The following MAP3K15 variants were observed in gnomAD, a reference collection of about 807,000 sequenced individuals.
MAP3K15 encodes the protein mitogen-activated protein kinase kinase kinase 15, also known as MAPK/ERK kinase kinase 15.
Under a neutral mutation model 99.5 loss-of-function variants are expected in MAP3K15, and 124 were observed. The observed-to-expected ratio is 1.25, with a 90% CI of 1.08 to 1.45. MAP3K15 has a LOEUF of 1.45. MAP3K15 is among the 40% of genes most tolerant of loss of function. The pLI is 0.00. For missense variants in MAP3K15, 1,242 were observed against 1,079.7 expected (o/e 1.15, Z -2.11); for synonymous variants, 494 against 439.6 (o/e 1.12, Z -1.55).
chrX:19,372,643 G>A lies in MAP3K15; in HGVS notation c.3108+10C>T, dbSNP rs376965622. The A allele has an allele frequency of 1.3e-5, 16 of 1,191,949 alleles. No individual in the cohort carries two copies. The African/African-American group carries it at 1.9e-4, about 14-fold the overall frequency. ...GCGGGAAGAGTCGGTGCCCTCCCTCGGGCAAATACCTGGGCCACACACTCC... is the reference window on the plus strand; with the variant it reads ...GCGGGAAGAGTCGGTGCCCTCCCTCAGGCAAATACCTGGGCCACACACTCC... On this transcript the variant is annotated intron_variant, in intron 22 of 28. Transcript: ENST00000338883.
chrX:19,373,989 T>C (rs763058673), intron 20 of MAP3K15, among the ~76,000 whole-genome samples: 2 of 111,448 alleles, frequency 1.8e-5, no homozygotes, highest in Non-Finnish European at 3.8e-5. Flanking sequence ...TCTTACATCA[T>C]TGCCAGTTAG....
At position 19,413,188 on chromosome X, in the gene MAP3K15, C is replaced by CCA. The variant is rs1304963176; in HGVS notation, c.1698+167_1698+168dup. 7.4e-5 allele frequency among the ~76,000 whole-genome samples: 8 copies of CCA among 108,817 alleles called. No homozygotes were observed. The Admixed American group carries it at 7.9e-4, about 11-fold the overall frequency. The allele number at this position is 108,817 out of a possible 115,157, so 94.5% of individuals were successfully genotyped here. ...ACCACATGCCCACACACACACATGCCCACACACACACAAAATGGAAAAACC... is the reference window on the plus strand; with the variant it reads ...ACCACATGCCCACACACACACATGCCCACACACACACACAAAATGGAAAAACC... On this transcript the variant is annotated intron_variant, in intron 11 of 28. Transcript: ENST00000338883.
chrX:19,363,944 C>T (rs1281233933), intron 25 of MAP3K15, among the ~76,000 whole-genome samples: 1 of 110,616 alleles, frequency 9.0e-6, no homozygotes, highest in African/African-American at 3.3e-5. Flanking sequence ...TGAGCCACCG[C>T]ACCCAGCTGG....
At chrX:19,418,828 A>G (rs957398578) in intron 9 of MAP3K15, among the ~76,000 whole-genome samples, 18 of 112,245 alleles carry the variant, frequency 1.6e-4, no homozygotes, top group Non-Finnish European at 3.4e-4. Context: ...CATCAGACTA[A>G]CAGCTGATCT....
intron 6 of MAP3K15, among the ~76,000 whole-genome samples, chrX:19,443,052 A>T (rs1432334240): frequency 2.5e-3 from 7 of 2,832 alleles, no homozygotes; most frequent in East Asian, 0.017. Flanking sequence ...TTTTTTTTTG[A>T]GATGGAGTCT....
intron 18 of MAP3K15, among the ~76,000 whole-genome samples, chrX:19,382,872 C>T (rs1369839723): frequency 8.9e-6 from 1 of 112,431 alleles, no homozygotes; most frequent in African/African-American, 3.2e-5. Flanking sequence ...TACCCTCTCT[C>T]AGCTCTGCTC....
intron 6 of MAP3K15, among the ~76,000 whole-genome samples, chrX:19,438,277 T>C (rs781299537): frequency 4.5e-5 from 5 of 111,075 alleles, no homozygotes; most frequent in Admixed American, 3.9e-4. Context: ...TTTATTTTTA[T>C]TTATTTATTT....
Position 19,372,785 on chromosome X carries a change from G to C in MAP3K15, c.2976C>G (p.Ala992=), listed in dbSNP as rs774971480. The change falls in exon 22 of 29, where the codon GCC becomes GCG. Residue 992 remains alanine, a synonymous_variant. Transcript: ENST00000338883. ...ESSALEDRGL[A]SSPEDRDQGL... ...CCTGGTCCCTGTCCTCCGGGGACGA[G>C]GCCAAGCCCCGGTCTTCCAAGGCTG... 4 of 1,211,402 alleles carry C rather than the reference G, an allele frequency of 3.3e-6. No individual in the cohort carries two copies. In the East Asian group the frequency reaches 1.2e-4, roughly 36 times the overall value.
At chrX:19,421,534 A>G (rs1365528208) in intron 9 of MAP3K15, among the ~76,000 whole-genome samples, 1 of 111,031 alleles carries the variant, frequency 9.0e-6, no homozygotes, top group Non-Finnish European at 1.9e-5. Context: ...AAAAGAGGAT[A>G]CAAGGAAACG....
chrX:19,507,791 C>T (rs2064489753), intron 1 of MAP3K15, among the ~76,000 whole-genome samples: 1 of 109,525 alleles, frequency 9.1e-6, no homozygotes, highest in Non-Finnish European at 1.9e-5. Context: ...CACTTTTCTT[C>T]TCAAGTTTGC....
intron 7 of MAP3K15, among the ~76,000 whole-genome samples, chrX:19,427,873 G>C (rs1035680495): frequency 9.0e-6 from 1 of 111,072 alleles, no homozygotes; most frequent in Non-Finnish European, 1.9e-5. Flanking sequence ...CCTCAGATCA[G>C]AGGACACCGA....
chrX:19,387,923 G>C (rs921357697), intron 18 of MAP3K15, among the ~76,000 whole-genome samples: 1 of 112,072 alleles, frequency 8.9e-6, no homozygotes, highest in Admixed American at 9.5e-5. Flanking sequence ...CATCCAGAGG[G>C]AGCCAGCGAG....
At chrX:19,434,493 C>T (rs970202623) in intron 6 of MAP3K15, among the ~76,000 whole-genome samples, 10 of 110,099 alleles carry the variant, frequency 9.1e-5, no homozygotes, top group Non-Finnish European at 1.9e-4. Flanking sequence ...CCGCCTCGGC[C>T]TCCCAAAGTG....
chrX:19,451,896 T>A (rs1342708177), intron 6 of MAP3K15, among the ~76,000 whole-genome samples: 5 of 108,165 alleles, frequency 4.6e-5, no homozygotes, highest in Non-Finnish European at 9.5e-5. Flanking sequence ...AAATCCCATC[T>A]CTACCAAAAA....
chrX:19,433,744 AAAAC>A (rs2063901288), intron 6 of MAP3K15, among the ~76,000 whole-genome samples: 1 of 112,091 alleles, frequency 8.9e-6, no homozygotes, highest in Non-Finnish European at 1.9e-5. Flanking sequence ...AACAAAAACA[AAAAC>A]AAAACAGGTA....
intron 9 of MAP3K15, among the ~76,000 whole-genome samples, chrX:19,416,855 A>G (rs995536883): frequency 8.9e-6 from 1 of 112,335 alleles, no homozygotes; most frequent in Non-Finnish European, 1.9e-5. Context: ...TAACTCCCAC[A>G]TTGTTCAAGG....
intron 1 of MAP3K15, among the ~76,000 whole-genome samples, chrX:19,505,220 A>G (rs1456983470): frequency 7.4e-5 from 8 of 108,408 alleles, no homozygotes; most frequent in Non-Finnish European, 1.5e-4. Flanking sequence ...CCACAGCAGC[A>G]TAGAGGGGGG....
intron 24 of MAP3K15, among the ~76,000 whole-genome samples, chrX:19,369,920 AAAAAG>A (rs2147211686): frequency 9.0e-6 from 1 of 111,154 alleles, no homozygotes; most frequent in East Asian, 2.8e-4. Flanking sequence ...AGAAAAAAAA[AAAAAG>A]AAAAGAAAGA....
At chrX:19,451,609 T>C (rs1327248715) in intron 6 of MAP3K15, among the ~76,000 whole-genome samples, 8 of 108,864 alleles carry the variant, frequency 7.3e-5, no homozygotes, top group Non-Finnish European at 1.3e-4. Context: ...AAACGTCCAT[T>C]GAAACTACAA....
Sources: allele counts gnomAD v4.1 joint callset (sites outside exome capture counted in the v4.1 genomes callset), GRCh38; gene constraint gnomAD v4.1.1; transcripts MANE v1.5; gene names NCBI Gene and HGNC (gene_info 2026-07-23, HGNC 2026-07-21).